TRIO: variants seen among roughly 807,000 people sequenced by gnomAD.
TRIO encodes trio Rho guanine nucleotide exchange factor, also known as triple functional domain protein.
In TRIO, 58 loss-of-function variants were observed where a neutral mutation model predicts 351.9. The observed-to-expected ratio is 0.16, with a 90% CI of 0.13 to 0.21. The LOEUF is 0.21. Among genes scored for constraint, TRIO ranks in the 10% least tolerant of loss-of-function variants. TRIO has a pLI of 1.00. For missense variants in TRIO, 3,201 were observed against 4,027.8 expected, an observed-to-expected ratio of 0.79 and a Z score of 5.56; for synonymous variants, 1,758 against 1,595.7, an observed-to-expected ratio of 1.10 and a Z score of -2.42.
intron 1 of TRIO, among the ~76,000 whole-genome samples, chr5:14,269,535 G>A (rs39856): frequency 0.73 from 110,766 of 152,184 alleles, 41,490 homozygotes; most frequent in East Asian, 0.98. Flanking sequence ...TTTTTGTTTT[G>A]AAAGCTCCAC....
intron 21 of TRIO, among the ~76,000 whole-genome samples, chr5:14,383,252 G>T (rs567424681): frequency 6.6e-6 from 1 of 152,264 alleles, no homozygotes; most frequent in African/African-American, 2.4e-5. Context: ...TGATTATAAA[G>T]GTATTAAGAA....
chr5:14,479,462 C>G, intron 42 of TRIO, 112 bp downstream of exon 42: 1 of 881,310 alleles, frequency 1.1e-6, no homozygotes, highest in Non-Finnish European at 1.7e-6. Flanking sequence ...AGAAAATTAG[C>G]CTGAGTGATA....
At chr5:14,288,059 A>T (rs1736593576) in intron 4 of TRIO, among the ~76,000 whole-genome samples, 1 of 152,202 alleles carries the variant, frequency 6.6e-6, no homozygotes, top group Admixed American at 6.5e-5. Context: ...ATTTGAAACT[A>T]CTCAGGTTTA....
At chr5:14,488,894 C>G (rs768245502) in intron 48 of TRIO, 10 of 748,892 alleles carry the variant, frequency 1.3e-5, no homozygotes, top group Non-Finnish European at 2.4e-5. Context: ...AGGCTGGGGC[C>G]GGTCCCTGCG....
chr5:14,225,141 G>T (rs568184511), intron 1 of TRIO, among the ~76,000 whole-genome samples: 5 of 152,242 alleles, frequency 3.3e-5, no homozygotes, highest in African/African-American at 1.2e-4. Context: ...TAGAGAATCA[G>T]TGTAGAGTTA....
intron 1 of TRIO, among the ~76,000 whole-genome samples, chr5:14,163,095 C>T (rs1459714303): frequency 6.6e-6 from 1 of 152,142 alleles, no homozygotes; most frequent in Non-Finnish European, 1.5e-5. Context: ...TTTGTTACAC[C>T]TATCAACTCA....
At chr5:14,492,039 G>A (rs191768472) in intron 48 of TRIO, among the ~76,000 whole-genome samples, 1 of 152,314 alleles carries the variant, frequency 6.6e-6, no homozygotes, top group Non-Finnish European at 1.5e-5. Context: ...AAATGATTAG[G>A]CATGTCAGCA....
intron 33 of TRIO, among the ~76,000 whole-genome samples, chr5:14,407,146 A>G (rs914470179): frequency 1.3e-5 from 2 of 152,094 alleles, no homozygotes; most frequent in African/African-American, 4.8e-5. Flanking sequence ...GAGGACAGGG[A>G]GCATGTGGGG....
intron 4 of TRIO, among the ~76,000 whole-genome samples, chr5:14,288,583 C>T (rs1482084094): frequency 6.6e-6 from 1 of 151,820 alleles, no homozygotes; most frequent in African/African-American, 2.4e-5. Context: ...AGGAGAATGG[C>T]GTGAACCTGG....
chr5:14,182,874 C>T (rs927055863), intron 1 of TRIO, among the ~76,000 whole-genome samples: 4 of 15,732 alleles, frequency 2.5e-4, no homozygotes, highest in East Asian at 0.019. Context: ...CCCCCCCCCT[C>T]CACTTTGCCG....
chr5:14,272,934 TTTTG>T (rs1796061457), intron 2 of TRIO, among the ~76,000 whole-genome samples: 1 of 152,226 alleles, frequency 6.6e-6, no homozygotes, highest in Admixed American at 6.5e-5. Context: ...TAACTCATTT[TTTTG>T]TTTCTTTTTT....
At chr5:14,162,769 G>GTT (rs1241819140) in intron 1 of TRIO, among the ~76,000 whole-genome samples, 1 of 152,028 alleles carries the variant, frequency 6.6e-6, no homozygotes, top group Non-Finnish European at 1.5e-5. Flanking sequence ...CTTCCAAGGT[G>GTT]TTTTTATATG....
intron 1 of TRIO, among the ~76,000 whole-genome samples, chr5:14,257,507 C>G (rs78304010): frequency 0.017 from 2,644 of 152,094 alleles, 75 homozygotes; most frequent in African/African-American, 0.06. Context: ...TCTGGCTGGC[C>G]CTTTTCACAG....
intron 34 of TRIO, among the ~76,000 whole-genome samples, chr5:14,421,301 G>A (rs891292945): frequency 3.8e-5 from 5 of 132,452 alleles, no homozygotes; most frequent in South Asian, 4.5e-4. Flanking sequence ...GTAATGCAAG[G>A]AAACTCATAA....
rs139518756 is a variant in TRIO at position 14,299,297 on chromosome 5, TG to T, written c.1368+2037del. Among the ~76,000 whole-genome samples the T allele has an allele frequency of 7.1e-3, 1,074 of 152,314 alleles. 16 individuals are homozygous for T. Among genetic ancestry groups the T allele is most frequent in the African/African-American group, 0.025 (1,035 of 41,556 alleles). On this transcript the variant is annotated intron_variant, in intron 7 of 56. Transcript: ENST00000344204. ...GAACACATTATTGAACAGAATTTCA[TG>T]GGACCCTGCATGAACTGTAAGGGCG...
chr5:14,335,162 C>A (rs1741280379), intron 10 of TRIO, among the ~76,000 whole-genome samples: 1 of 152,166 alleles, frequency 6.6e-6, no homozygotes, highest in South Asian at 2.1e-4. Flanking sequence ...TTTATAACTC[C>A]CTTTTCTCAA....
intron 28 of TRIO, among the ~76,000 whole-genome samples, chr5:14,395,291 A>G (rs891871430): frequency 3.3e-5 from 5 of 152,262 alleles, no homozygotes; most frequent in South Asian, 4.1e-4. Context: ...TATAGTTACT[A>G]TGAATGCAAA....
chr5:14,323,593 C>T (rs1020405079), intron 9 of TRIO, among the ~76,000 whole-genome samples: 1 of 152,214 alleles, frequency 6.6e-6, no homozygotes, highest in African/African-American at 2.4e-5. Flanking sequence ...GACCACTCTC[C>T]AGCCCCACTC....
At chr5:14,498,845 A>G (rs1311295829) in intron 53 of TRIO, 1 of 658,324 alleles carries the variant, frequency 1.5e-6, no homozygotes, top group East Asian at 3.3e-5. Context: ...CACCTTATGT[A>G]AAGTCGGGGG....
Sources: allele counts gnomAD v4.1 joint callset (sites outside exome capture counted in the v4.1 genomes callset), GRCh38; gene constraint gnomAD v4.1.1; transcripts MANE v1.5; gene names NCBI Gene and HGNC (gene_info 2026-07-23, HGNC 2026-07-21).